DDX3X: variants seen among roughly 807,000 people sequenced by gnomAD.
DDX3X encodes the protein ATP-dependent RNA helicase DDX3X.
Under a neutral mutation model 52.7 loss-of-function variants are expected in DDX3X, and 4 were observed. The ratio of observed to expected loss-of-function variants is 0.08; its 90% confidence interval spans 0.04 to 0.17. DDX3X has a LOEUF of 0.17. Ranked by LOEUF, DDX3X falls within the 10% of genes least tolerant of loss-of-function variation. DDX3X has a pLI of 1.00. For synonymous variants in DDX3X, 192 were observed against 178.1 expected, an observed-to-expected ratio of 1.08 and a Z score of -0.62; for missense variants, 222 against 548.6, an observed-to-expected ratio of 0.40 and a Z score of 5.95.
chrX:41,356,454 CTTTTTTTTTTT>C (rs760583439), intron 5 of DDX3X, among the ~76,000 whole-genome samples: 3 of 65,683 alleles, frequency 4.6e-5, no homozygotes, highest in African/African-American at 1.4e-4. Flanking sequence ...GCCAGTATTT[CTTTTTTTTTTT>C]TTTTTTTTTT....
chrX:41,334,389 A>G, intron 1 of DDX3X, 92 bp downstream of exon 1: 1 of 1,147,738 alleles, frequency 8.7e-7, no homozygotes, highest in East Asian at 3.2e-5. Flanking sequence ...CGGCACCCTT[A>G]CTTTTCATTT....
chrX:41,364,234 T>C (rs961905475), intron 5 of DDX3X: 2 of 295,026 alleles, frequency 6.8e-6, no homozygotes, highest in African/African-American at 5.5e-5. Context: ...AAGCAAAGCC[T>C]CACAAGAGGC....
Position 41,339,054 on chromosome X carries a change from C to T in DDX3X, c.122C>T (p.Pro41Leu), listed in dbSNP as rs1341824034. The change falls in exon 3 of 17, where the codon CCT becomes CTT. Residue 41 changes from proline (P) to leucine (L), a missense_variant. Transcript: ENST00000644876. ...TTTTTAGAAGGGCGCTATATTCCTC[C>T]TCATTTAAGGAACCGAGAAGCTACT... ...STASKGRYIPPHLRNREATKG... is the reference protein window; with the variant it reads ...STASKGRYIPLHLRNREATKG... 1 of 1,077,593 alleles carries T rather than the reference C, an allele frequency of 9.3e-7. No homozygotes were observed. Among genetic ancestry groups the T allele is most frequent in the Non-Finnish European group, 1.2e-6 (1 of 817,476 alleles). The allele number at this position is 1,077,593 out of a possible 1,213,427, so 88.8% of individuals were successfully genotyped here.
chrX:41,337,589 C>T, intron 2 of DDX3X, 124 bp downstream of exon 2: 1 of 502,382 alleles, frequency 2.0e-6, no homozygotes, highest in Non-Finnish European at 3.3e-6. Context: ...ATTATGTAGT[C>T]TTTGTGTTAT....
chrX:41,346,384 A>C lies in DDX3X; in HGVS notation c.1471A>C (p.Lys491Gln), dbSNP rs774580948. 1.7e-6 allele frequency: 2 copies of C among 1,209,276 alleles called. No homozygotes were observed. The highest frequency in any genetic ancestry group is 4.4e-5 in the Admixed American group (2 of 45,470). The part of the protein sequence containing the change: ...EEALHQFRSG[K>Q]SPILVATAVA... ...GGCCCTTCACCAGTTCCGCTCAGGA[A>C]AAAGCCCAATTTTAGTGGCTACAGC... The change falls in exon 13 of 17, where the codon AAA (lysine) becomes CAA (glutamine). Residue 491 changes from lysine to glutamine, a missense_variant. Lys to Gln is a moderately conservative substitution (Grantham distance 53, BLOSUM62 1). Around this residue, in one of 5 missense-constraint regions of DDX3X, gnomAD observed 73 missense variants for 301.4 expected, o/e 0.24. Transcript: ENST00000644876.
chrX:41,340,133 T>A (rs1435505405), intron 3 of DDX3X: 2 of 111,249 alleles, frequency 1.8e-5, no homozygotes, highest in African/African-American at 6.5e-5. Flanking sequence ...GGTCTCGAAC[T>A]CCTGACCTCA....
chrX:41,355,994 T>G (rs2064007254), intron 5 of DDX3X, among the ~76,000 whole-genome samples: 1 of 111,503 alleles, frequency 9.0e-6, no homozygotes, highest in Non-Finnish European at 1.9e-5. Context: ...GAGTTCTTTA[T>G]TCTAAGTACA....
rs369030204 is a variant in DDX3X, at chrX:41,337,493, G to A, written c.103+28G>A. 13 of 1,130,775 alleles carry A rather than the reference G, an allele frequency of 1.1e-5. No individual in the cohort carries two copies. The African/African-American group carries it at 1.8e-4, about 16-fold the overall frequency. The allele number at this position is 1,130,775 out of a possible 1,213,427, so 93.2% of individuals were successfully genotyped here. A position where few individuals can be genotyped will look rare whatever the true frequency, so the allele number is the denominator to read the frequency against. ...AAGTACAACATCTTGTGGGTTTATT[G>A]AATATTAGAGCTTAACATCTTAAGA... On this transcript the variant is annotated intron_variant, in intron 2 of 16. Coordinates refer to ENST00000644876, the MANE Select transcript of DDX3X (RefSeq NM_001356.5).
At chrX:41,363,355 G>A (rs1250330365) in intron 5 of DDX3X, among the ~76,000 whole-genome samples, 1 of 111,559 alleles carries the variant, frequency 9.0e-6, no homozygotes, top group Non-Finnish European at 1.9e-5. Context: ...AACCCAGGAG[G>A]TGGAGGTTGC....
chrX:41,345,588 T>G, intron 12 of DDX3X, 40 bp downstream of exon 12: 1 of 1,102,794 alleles, frequency 9.1e-7, no homozygotes, highest in Non-Finnish European at 1.2e-6. Flanking sequence ...ACATGGGGGT[T>G]TCTCTTTGTT....
intron 12 of DDX3X, 100 bp from the exon 13 acceptor site, chrX:41,346,129 T>C (rs990286740): frequency 1.4e-6 from 1 of 720,121 alleles, no homozygotes. Context: ...TTTAAGAAGA[T>C]ATATATGTAT....
intron 3 of DDX3X, chrX:41,340,986 A>ATT (rs1297855289): frequency 2.9e-4 from 63 of 220,045 alleles, no homozygotes; most frequent in Middle Eastern, 1.3e-3. Context: ...GTGTAAAGTA[A>ATT]TTTTTTTTTT....
At chrX:41,361,283 C>T (rs1460846259) in intron 5 of DDX3X, among the ~76,000 whole-genome samples, 3 of 109,537 alleles carry the variant, frequency 2.7e-5, no homozygotes, top group Non-Finnish European at 5.7e-5. Flanking sequence ...GAGGCCAAGG[C>T]GGGTGGGTCA....
At chrX:41,334,493 C>G in intron 1 of DDX3X, 196 bp downstream of exon 1, 2 of 1,096,102 alleles carry the variant, frequency 1.8e-6, no homozygotes, top group Non-Finnish European at 1.2e-6. Flanking sequence ...GGTCTCGGCC[C>G]GCTGTATTGT....
chrX:41,356,712 C>T (rs1329649461), intron 5 of DDX3X, among the ~76,000 whole-genome samples: 1 of 109,688 alleles, frequency 9.1e-6, no homozygotes, highest in African/African-American at 3.3e-5. Context: ...ATCTGCCCGC[C>T]TCGGCCTCTC....
intron 1 of DDX3X, chrX:41,335,556 C>G (rs72626409): frequency 9.0e-6 from 1 of 111,597 alleles, no homozygotes; most frequent in East Asian, 2.8e-4. Context: ...CAGATAAGCT[C>G]TTGTGTGGGT....
rs1395981267 is a variant in DDX3X, at chrX:41,342,801, G to A, written c.508G>A (p.Ala170Thr). 1 of 1,209,745 alleles carries A rather than the reference G, an allele frequency of 8.3e-7. No homozygotes were observed. Among genetic ancestry groups the A allele is most frequent in the Non-Finnish European group, 1.1e-6 (1 of 893,703 alleles). The change falls in exon 6 of 17, where the codon GCA becomes ACA. Residue 170 changes from alanine to threonine, a missense_variant. This residue lies in a region of DDX3X where 73 missense variants were observed against 301.4 expected (regional missense o/e 0.24). Transcript: ENST00000644876. The part of the protein sequence containing the change: ...FEKYDDIPVE[A>T]TGNNCPPHIE... The stretch of plus-strand genomic sequence containing the variant: ...GAAATACGATGACATTCCAGTTGAG[G>A]CAACAGGCAACAACTGTCCTCCACA...
downstream of DDX3X, among the ~76,000 whole-genome samples, chrX:41,352,944 T>G (rs1048704676): frequency 8.9e-6 from 1 of 111,830 alleles, no homozygotes; most frequent in African/African-American, 3.2e-5. Flanking sequence ...GTATTCCAAA[T>G]TAAAACAGAT....
At chrX:41,334,432 C>T (rs2063725121) in intron 1 of DDX3X, 135 bp downstream of exon 1, 2 of 1,129,759 alleles carry the variant, frequency 1.8e-6, no homozygotes, top group Admixed American at 2.8e-5. Context: ...GTGTGAGTGC[C>T]CCGGGGCTAT....
Sources: gnomAD v4.1 joint callset for allele counts (sites outside exome capture counted in the v4.1 genomes callset) on GRCh38, gnomAD v4.1.1 for gene constraint, gnomAD v4.1.1 regional missense constraint, MANE v1.5 for transcripts, NCBI Gene and HGNC (gene_info 2026-07-23, HGNC 2026-07-21) for gene names.